The following SYT9 variants were observed in gnomAD, a reference collection of about 807,000 sequenced individuals.
SYT9 encodes synaptotagmin 9, also known as synaptotagmin-9.
A neutral mutation model predicts 48.4 loss-of-function variants in SYT9; 22 were observed. The observed-to-expected ratio is 0.45, with a 90% confidence interval of 0.32 to 0.65. The LOEUF (loss-of-function observed/expected upper bound fraction) is 0.65. Ranked by LOEUF, SYT9 falls within the 30% of genes least tolerant of loss-of-function variation. The pLI is 0.03. For synonymous variants in SYT9, 265 were observed against 245.0 expected (o/e 1.08, Z -0.76); for missense variants, 577 against 622.0 (o/e 0.93, Z 0.77).
chr11:7,380,294 T>C (rs931198651), intron 3 of SYT9, among the ~76,000 whole-genome samples: 1 of 151,612 alleles, frequency 6.6e-6, no homozygotes, highest in Non-Finnish European at 1.5e-5. Flanking sequence ...GGAAGGGTAG[T>C]GAGGGGCTGG....
chr11:7,440,117 GA>G (rs1847801693), intron 6 of SYT9: 1 of 152,262 alleles, frequency 6.6e-6, no homozygotes, highest in South Asian at 2.1e-4. Flanking sequence ...CGTACAACCT[GA>G]AGACTCACCA....
At chr11:7,458,715 C>T (rs557264505) in intron 6 of SYT9, among the ~76,000 whole-genome samples, 6 of 151,924 alleles carry the variant, frequency 3.9e-5, no homozygotes, top group African/African-American at 4.8e-5. Context: ...GAGGTTCACA[C>T]GAGGATAGTG....
intron 3 of SYT9, among the ~76,000 whole-genome samples, chr11:7,377,848 T>A (rs918894390): frequency 2.0e-5 from 3 of 152,162 alleles, no homozygotes; most frequent in African/African-American, 7.2e-5. Context: ...GACTGCCTGG[T>A]TGGGGCATGG....
chr11:7,366,671 A>G (rs1452374125), intron 3 of SYT9, among the ~76,000 whole-genome samples: 2 of 152,084 alleles, frequency 1.3e-5, no homozygotes, highest in African/African-American at 4.8e-5. Flanking sequence ...GAGTTGCTAC[A>G]GTTTTTGGCT....
intron 1 of SYT9, among the ~76,000 whole-genome samples, chr11:7,240,013 G>A (rs1487486714): frequency 1.3e-5 from 2 of 152,206 alleles, no homozygotes; most frequent in African/African-American, 4.8e-5. Context: ...CCACGGAACT[G>A]AGTGAAATCC....
At chr11:7,450,150 TAAAAG>T (rs750424011) in intron 6 of SYT9, among the ~76,000 whole-genome samples, 12 of 152,326 alleles carry the variant, frequency 7.9e-5, no homozygotes, top group Admixed American at 3.9e-4. Flanking sequence ...TCTCCCCAGA[TAAAAG>T]AAGCTGAGGC....
chr11:7,329,210 T>G (rs1023592695), intron 3 of SYT9, among the ~76,000 whole-genome samples: 1 of 152,182 alleles, frequency 6.6e-6, no homozygotes, highest in African/African-American at 2.4e-5. Context: ...CTTCCATGTT[T>G]GTTTGTTTAT....
chr11:7,359,682 A>C (rs1259121885), intron 3 of SYT9, among the ~76,000 whole-genome samples: 1 of 105,488 alleles, frequency 9.5e-6, no homozygotes, highest in Non-Finnish European at 2.1e-5. Flanking sequence ...TCCTTCACCC[A>C]CTTTTGGATG....
chr11:7,386,458 A>G (rs1401458873), intron 3 of SYT9, among the ~76,000 whole-genome samples: 2 of 151,988 alleles, frequency 1.3e-5, no homozygotes, highest in Non-Finnish European at 2.9e-5. Flanking sequence ...CAAGAAAAAA[A>G]AAAACAACCC....
chr11:7,352,826 C>T (rs1849943589), intron 3 of SYT9, among the ~76,000 whole-genome samples: 1 of 152,198 alleles, frequency 6.6e-6, no homozygotes, highest in South Asian at 2.1e-4. Flanking sequence ...CCATTTGGTA[C>T]TGGTCCCTGA....
At chr11:7,403,585 A>ACAAT (rs915906936) in intron 3 of SYT9, among the ~76,000 whole-genome samples, 69 of 152,260 alleles carry the variant, frequency 4.5e-4, no homozygotes, top group African/African-American at 1.6e-3. Context: ...AGAGAGACAC[A>ACAAT]CACATGTATT....
At chr11:7,401,135 A>T (rs1846883338) in intron 3 of SYT9, among the ~76,000 whole-genome samples, 1 of 152,090 alleles carries the variant, frequency 6.6e-6, no homozygotes, top group Non-Finnish European at 1.5e-5. Context: ...TGAGGTAATG[A>T]CATCTTTGCT....
chr11:7,430,199 T>C (rs1293582687), intron 6 of SYT9, among the ~76,000 whole-genome samples: 1 of 152,256 alleles, frequency 6.6e-6, no homozygotes, highest in African/African-American at 2.4e-5. Context: ...TCTTCAGTCA[T>C]TGGTGGTAGA....
At chr11:7,312,800 C>T (rs552346272) in intron 2 of SYT9, among the ~76,000 whole-genome samples, 1 of 152,340 alleles carries the variant, frequency 6.6e-6, no homozygotes, top group African/African-American at 2.4e-5. Context: ...TATGTCACTT[C>T]TACCTGTCAG....
chr11:7,238,943 G>A (rs1340070085), intron 1 of SYT9: 1 of 456,054 alleles, frequency 2.2e-6, no homozygotes, highest in Non-Finnish European at 4.4e-6. Flanking sequence ...GGAATCTTGT[G>A]CCCATCTCTG....
At chr11:7,445,651 T>TATA (rs1455819576) in intron 6 of SYT9, among the ~76,000 whole-genome samples, 4 of 152,250 alleles carry the variant, frequency 2.6e-5, no homozygotes, top group Non-Finnish European at 5.9e-5. Context: ...CTCAAGTTTC[T>TATA]GACCTAAGTC....
intron 4 of SYT9, among the ~76,000 whole-genome samples, chr11:7,416,630 G>A (rs1003747755): frequency 6.6e-6 from 1 of 152,148 alleles, no homozygotes; most frequent in East Asian, 1.9e-4. Flanking sequence ...TGCCTGATTA[G>A]GTATTGTAAG....
At chr11:7,332,186 C>T (rs974354957) in intron 3 of SYT9, among the ~76,000 whole-genome samples, 1 of 152,120 alleles carries the variant, frequency 6.6e-6, no homozygotes, top group Non-Finnish European at 1.5e-5. Context: ...TTTCCTGAGC[C>T]TGATGCCACA....
At chr11:7,428,049 A>G (rs1463220796) in intron 6 of SYT9, 6 of 152,194 alleles carry the variant, frequency 3.9e-5, no homozygotes, top group African/African-American at 1.4e-4. Flanking sequence ...AATTATCTGT[A>G]GAAAAAAAGA....
Sources: gnomAD v4.1 joint callset for allele counts (sites outside exome capture counted in the v4.1 genomes callset) on GRCh38, gnomAD v4.1.1 for gene constraint, MANE v1.5 for transcripts, NCBI Gene and HGNC (gene_info 2026-07-23, HGNC 2026-07-21) for gene names.